Variants in LPP observed in about 807,000 individuals in gnomAD.
The protein encoded by LPP is LIM domain containing preferred translocation partner in lipoma.
LPP carries 38 observed loss-of-function variants against 60.4 expected under a neutral mutation model. The ratio of observed to expected loss-of-function variants is 0.63; its 90% confidence interval spans 0.49 to 0.83. LPP has a LOEUF of 0.83. LPP is among the 40% of genes least tolerant of loss of function. The probability of loss-of-function intolerance (pLI) is 0.00; values close to 1 mark genes in which losing one functional copy is unlikely to be tolerated. For synonymous variants in LPP, 328 were observed against 290.8 expected, an observed-to-expected ratio of 1.13 and a Z score of -1.30; for missense variants, 902 against 783.6, an observed-to-expected ratio of 1.15 and a Z score of -1.80.
At chr3:188,321,318 A>G (rs1756899483) in intron 2 of LPP, among the ~76,000 whole-genome samples, 2 of 152,244 alleles carry the variant, frequency 1.3e-5, no homozygotes, top group African/African-American at 2.4e-5. Flanking sequence ...CATGTTGAAA[A>G]ATAATATTTT....
chr3:188,785,866 C>A (rs1741690349), intron 9 of LPP, among the ~76,000 whole-genome samples: 1 of 151,996 alleles, frequency 6.6e-6, no homozygotes, highest in African/African-American at 2.4e-5. Context: ...TCCCTGACTC[C>A]TAAGTTGTCC....
intron 6 of LPP, among the ~76,000 whole-genome samples, chr3:188,567,461 A>G (rs540784275): frequency 1.1e-4 from 17 of 152,006 alleles, no homozygotes; most frequent in Non-Finnish European, 2.4e-4. Flanking sequence ...ATATTAAGTG[A>G]CACCTGTTGG....
intron 5 of LPP, among the ~76,000 whole-genome samples, chr3:188,498,529 A>G (rs985916161): frequency 6.6e-6 from 1 of 152,148 alleles, no homozygotes; most frequent in Non-Finnish European, 1.5e-5. Context: ...CATGCTATAT[A>G]TATGTCATGT....
chr3:188,311,890 C>T lies in LPP; in HGVS notation c.-66-29773C>T, dbSNP rs770430255. On this transcript the variant is annotated intron_variant, in intron 2 of 11. Transcript: ENST00000617246. Reference sequence around the variant, plus strand: ...CTGAGCTCAGATGATTCTCCTGCCTCGACTTCCCAAAGTGCTGGGATTACA... The same window carrying T: ...CTGAGCTCAGATGATTCTCCTGCCTTGACTTCCCAAAGTGCTGGGATTACA... Among the ~76,000 whole-genome samples, 206 of 152,206 alleles carry T rather than the reference C, an allele frequency of 1.4e-3. 1 individual carries two copies. Among genetic ancestry groups the T allele is most frequent in the Non-Finnish European group, 1.8e-3 (125 of 68,008 alleles).
At chr3:188,460,431 G>A (rs1398177240) in intron 4 of LPP, among the ~76,000 whole-genome samples, 2 of 152,180 alleles carry the variant, frequency 1.3e-5, no homozygotes, top group Middle Eastern at 3.2e-3. Context: ...TCCAGGAGAA[G>A]TTGGGACTTG....
At chr3:188,374,153 C>A (rs888457281) in intron 3 of LPP, among the ~76,000 whole-genome samples, 1 of 152,060 alleles carries the variant, frequency 6.6e-6, no homozygotes, top group Non-Finnish European at 1.5e-5. Flanking sequence ...ATGCCTCTGG[C>A]TTTGTTCTTT....
rs1769970969 is a variant in LPP, at chr3:188,881,166, A to G, written c.*6687A>G. 1 of 170,806 alleles carries G rather than the reference A, an allele frequency of 5.9e-6. No homozygotes were observed. The allele number at this position is 170,806 out of a possible 1,614,324, so 10.6% of individuals were successfully genotyped here. On this transcript the variant is annotated 3_prime_UTR_variant, in exon 12 of 12. Transcript: ENST00000617246. ...AAAAAAAAAAAAAAAAAATAGGATC[A>G]TGGCCCTTTTAAAGATCTGAATCTT...
chr3:188,725,688 C>A (rs1229050010), intron 8 of LPP, among the ~76,000 whole-genome samples: 2 of 152,174 alleles, frequency 1.3e-5, no homozygotes, highest in Non-Finnish European at 2.9e-5. Context: ...TTGTTCCAAG[C>A]ATTTCCATTA....
intron 9 of LPP, among the ~76,000 whole-genome samples, chr3:188,840,551 T>C (rs1759688404): frequency 6.6e-6 from 1 of 152,132 alleles, no homozygotes; most frequent in Non-Finnish European, 1.5e-5. Context: ...CGGGCTGGAG[T>C]GCAGTGGTGC....
intron 3 of LPP, among the ~76,000 whole-genome samples, chr3:188,378,983 A>G (rs762685067): frequency 6.6e-6 from 1 of 152,160 alleles, no homozygotes; most frequent in Non-Finnish European, 1.5e-5. Flanking sequence ...GGGCAGGGCC[A>G]CTGCTTACAG....
In LPP at chr3:188,522,859, GTA is replaced by G. The variant is rs1251806523; in HGVS notation, c.307-1796_307-1795del. Reference sequence around the variant, plus strand: ...TGTGTGTGTACGTGTGTGTATGTGTGTATATATATATGTTTGAGACATATATG... The same window carrying G: ...TGTGTGTGTACGTGTGTGTATGTGTGTATATATATGTTTGAGACATATATG... On this transcript the variant is annotated intron_variant, in intron 5 of 11. Transcript: ENST00000617246. Among the ~76,000 whole-genome samples, 465 of 145,716 alleles carry G rather than the reference GTA, an allele frequency of 3.2e-3. 4 individuals carry two copies. The highest frequency in any genetic ancestry group is 0.012 in the African/African-American group (445 of 38,662).
chr3:188,360,253 G>C (rs547924705), intron 3 of LPP, among the ~76,000 whole-genome samples: 1 of 152,302 alleles, frequency 6.6e-6, no homozygotes, highest in South Asian at 2.1e-4. Flanking sequence ...AAACCTGAGA[G>C]AGTGTGGGAG....
At chr3:188,360,932 G>A (rs1047628124) in intron 3 of LPP, among the ~76,000 whole-genome samples, 2 of 152,104 alleles carry the variant, frequency 1.3e-5, no homozygotes, top group Admixed American at 6.5e-5. Flanking sequence ...ATGAGATAGC[G>A]GGTGTATAAA....
chr3:188,727,092 C>A (rs1455789129), intron 8 of LPP, among the ~76,000 whole-genome samples: 1 of 152,156 alleles, frequency 6.6e-6, no homozygotes, highest in Non-Finnish European at 1.5e-5. Context: ...AAGGATCTTA[C>A]CCTTATCACC....
At chr3:188,203,873 C>T (rs1013726924) in intron 1 of LPP, among the ~76,000 whole-genome samples, 3 of 151,618 alleles carry the variant, frequency 2.0e-5, no homozygotes, top group Non-Finnish European at 4.4e-5. Context: ...GGCTCAGCCA[C>T]TTACTATAAA....
chr3:188,862,823 A>G (rs543771285), intron 9 of LPP, among the ~76,000 whole-genome samples: 8 of 152,120 alleles, frequency 5.3e-5, no homozygotes, highest in Non-Finnish European at 1.2e-4. Flanking sequence ...TTGAATAGGC[A>G]TATTTAGAGA....
chr3:188,645,378 G>A (rs188722514), intron 7 of LPP, among the ~76,000 whole-genome samples: 7 of 151,886 alleles, frequency 4.6e-5, no homozygotes, highest in African/African-American at 9.7e-5. Context: ...CTCTTCAGTC[G>A]TCTCTCCATT....
chr3:188,495,133 TTA>T (rs1809760729), intron 5 of LPP, among the ~76,000 whole-genome samples: 1 of 134,436 alleles, frequency 7.4e-6, no homozygotes, highest in Non-Finnish European at 1.6e-5. Context: ...TTATATTTTA[TTA>T]TATATTTATA....
At chr3:188,621,941 G>A (rs1322069609) in intron 7 of LPP, among the ~76,000 whole-genome samples, 2 of 152,202 alleles carry the variant, frequency 1.3e-5, no homozygotes, top group East Asian at 3.9e-4. Flanking sequence ...ATTACAGGCT[G>A]GGATTACACC....
Sources: allele counts gnomAD v4.1 joint callset (sites outside exome capture counted in the v4.1 genomes callset), GRCh38; gene constraint gnomAD v4.1.1; transcripts MANE v1.5; gene names NCBI Gene and HGNC (gene_info 2026-07-23, HGNC 2026-07-21).